ARFGAP3: variants seen among roughly 807,000 people sequenced by gnomAD.
ARFGAP3 encodes the protein ADP-ribosylation factor GTPase-activating protein 3.
ARFGAP3 carries 72 observed loss-of-function variants against 75.0 expected under a neutral mutation model. The observed-to-expected ratio is 0.96, with a 90% CI of 0.79 to 1.17. ARFGAP3 has a LOEUF of 1.17. ARFGAP3 is among the 50% of genes most tolerant of loss of function. The probability of loss-of-function intolerance (pLI) is 0.00; values close to 1 mark genes in which losing one functional copy is unlikely to be tolerated. For missense variants in ARFGAP3, 620 were observed against 626.6 expected (o/e 0.99, Z 0.11); for synonymous variants, 221 against 217.9 (o/e 1.01, Z -0.13).
rs377002923 is a variant in ARFGAP3 at position 42,835,261 on chromosome 22, G to C, written c.393+101C>G. 1,595 of 1,381,180 alleles carry C rather than the reference G, an allele frequency of 1.2e-3. 25 individuals are homozygous for C. The South Asian group carries it at 0.021, about 18-fold the overall frequency. The allele number at this position is 1,381,180 out of a possible 1,614,324, so 85.6% of individuals were successfully genotyped here. A position where few individuals can be genotyped will look rare whatever the true frequency, so the allele number is the denominator to read the frequency against. On this transcript the variant is annotated intron_variant, in intron 4 of 15. Coordinates refer to ENST00000263245, the MANE Select transcript of ARFGAP3 (RefSeq NM_014570.5). ...TCTACTGTACACTAATTCCTTGTAAGACAACTCAGGTAGAAAAGTTTTACT... is the reference window on the plus strand; with the variant it reads ...TCTACTGTACACTAATTCCTTGTAACACAACTCAGGTAGAAAAGTTTTACT...
At chr22:42,838,556 C>T (rs941402496) in intron 3 of ARFGAP3, among the ~76,000 whole-genome samples, 6 of 151,770 alleles carry the variant, frequency 4.0e-5, no homozygotes, top group Non-Finnish European at 7.4e-5. Flanking sequence ...CTCAGCCTCC[C>T]GAAGTGTTGG....
intron 3 of ARFGAP3, among the ~76,000 whole-genome samples, chr22:42,836,641 T>C (rs1371542903): frequency 3.9e-5 from 6 of 152,222 alleles, no homozygotes; most frequent in African/African-American, 1.2e-4. Context: ...ACATGAATTA[T>C]AGAATTCATA....
At chr22:42,840,628 C>A (rs1311938965) in intron 3 of ARFGAP3, among the ~76,000 whole-genome samples, 1 of 151,666 alleles carries the variant, frequency 6.6e-6, no homozygotes, top group East Asian at 1.9e-4. Flanking sequence ...GGGGTTCCAC[C>A]ATGTTGGCCA....
chr22:42,831,600 G>A lies in ARFGAP3; in HGVS notation c.514C>T (p.Pro172Ser), dbSNP rs920474954. The change falls in exon 6 of 16, where the codon CCA becomes TCA. Residue 172 changes from proline to serine, a missense_variant. Coordinates refer to ENST00000263245, the MANE Select transcript of ARFGAP3 (RefSeq NM_014570.5). ...DTAWASAIAE[P>S]SSLTSRPVET... ...ACAGGCCTTGATGTTAAAGAAGATG[G>A]TTCTGCTATTGCTGATGCCCACGCT... 4 of 1,613,848 alleles carry A rather than the reference G, an allele frequency of 2.5e-6. No homozygotes were observed. Among genetic ancestry groups the A allele is most frequent in the Non-Finnish European group, 3.4e-6 (4 of 1,179,996 alleles).
At chr22:42,825,935 A>G (rs1189269825) in intron 7 of ARFGAP3, among the ~76,000 whole-genome samples, 1 of 152,222 alleles carries the variant, frequency 6.6e-6, no homozygotes, top group East Asian at 1.9e-4. Flanking sequence ...ACAGCAAAAG[A>G]TAACAATCTT....
intron 6 of ARFGAP3, among the ~76,000 whole-genome samples, chr22:42,829,463 A>C (rs1291052452): frequency 6.6e-6 from 1 of 152,212 alleles, no homozygotes; most frequent in Non-Finnish European, 1.5e-5. Flanking sequence ...TAAGGCTAAG[A>C]AATCAAAAAA....
Position 42,835,419 on chromosome 22 carries a change from G to A in ARFGAP3, c.336C>T (p.Leu112=). The change falls in exon 4 of 16, where the codon CTC becomes CTT. Residue 112 remains leucine, a synonymous_variant. Coordinates refer to ENST00000263245, the MANE Select transcript of ARFGAP3 (RefSeq NM_014570.5). ...CGAGCGATTTGATTTTCTCCCTATA[G>A]AGCTGAGCAGCACGACTGTTGTACT... The part of the protein sequence containing the change: ...NAKYNSRAAQ[L]YREKIKSLAS... The A allele has an allele frequency of 6.2e-7, 1 of 1,614,140 alleles. No individual in the cohort carries two copies. Among genetic ancestry groups the A allele is most frequent in the East Asian group, 2.2e-5 (1 of 44,882 alleles).
At chr22:42,823,015 GC>G (rs1925879690) in intron 8 of ARFGAP3, among the ~76,000 whole-genome samples, 1 of 151,966 alleles carries the variant, frequency 6.6e-6, no homozygotes, top group South Asian at 2.1e-4. Context: ...TCACCATTTT[GC>G]CCAGGCTGGT....
intron 1 of ARFGAP3, among the ~76,000 whole-genome samples, chr22:42,850,582 A>C (rs1230957634): frequency 6.6e-6 from 1 of 151,030 alleles, no homozygotes; most frequent in Non-Finnish European, 1.5e-5. Flanking sequence ...AAAAAAAAAA[A>C]AAAAAAAAAA....
intron 14 of ARFGAP3, 122 bp from the exon 15 acceptor site, chr22:42,799,282 G>C: frequency 6.6e-7 from 1 of 1,510,332 alleles, no homozygotes; most frequent in Non-Finnish European, 8.9e-7. Flanking sequence ...TGCCTCACAA[G>C]GGGCCCAACA....
At chr22:42,840,220 C>A (rs1382045909) in intron 3 of ARFGAP3, among the ~76,000 whole-genome samples, 1 of 152,104 alleles carries the variant, frequency 6.6e-6, no homozygotes. Context: ...GCATGAGCCA[C>A]CGTGCCCAGC....
chr22:42,814,272 C>T (rs941947703), intron 11 of ARFGAP3, among the ~76,000 whole-genome samples: 75 of 152,192 alleles, frequency 4.9e-4, no homozygotes, highest in African/African-American at 1.7e-3. Flanking sequence ...AGCTCTTCAT[C>T]GAACTAATAT....
chr22:42,837,525 TGAGA>T (rs1248441175), intron 3 of ARFGAP3, among the ~76,000 whole-genome samples: 1 of 147,392 alleles, frequency 6.8e-6, no homozygotes, highest in Non-Finnish European at 1.5e-5. Context: ...GGAGGCTGAG[TGAGA>T]GAATCACCTG....
chr22:42,831,429 C>G (rs893463120), intron 6 of ARFGAP3, 120 bp downstream of exon 6: 1 of 1,003,896 alleles, frequency 1.0e-6, no homozygotes, highest in Non-Finnish European at 1.5e-6. Context: ...GCCTCAGCCT[C>G]GCAAAGTGCT....
chr22:42,847,681 A>AT, intron 1 of ARFGAP3, 49 bp from the exon 2 acceptor site: 1 of 1,597,098 alleles, frequency 6.3e-7, no homozygotes, highest in Non-Finnish European at 8.6e-7. Flanking sequence ...AGCCAAATAA[A>AT]TTATCCTGTA....
At chr22:42,804,005 G>C (rs777440081) in intron 14 of ARFGAP3, among the ~76,000 whole-genome samples, 1 of 149,134 alleles carries the variant, frequency 6.7e-6, no homozygotes, top group Non-Finnish European at 1.5e-5. Context: ...CTGGGCTCAG[G>C]TCATCCTCCC....
At chr22:42,831,389 C>G (rs950217460) in intron 6 of ARFGAP3, among the ~76,000 whole-genome samples, 160 bp downstream of exon 6, 4 of 144,774 alleles carry the variant, frequency 2.8e-5, no homozygotes, top group African/African-American at 5.1e-5. Flanking sequence ...CCACGCTGGT[C>G]TCTGACTGCT....
chr22:42,806,234 T>C (rs563466465), intron 14 of ARFGAP3, among the ~76,000 whole-genome samples: 1 of 151,812 alleles, frequency 6.6e-6, no homozygotes, highest in East Asian at 1.9e-4. Flanking sequence ...CAGAGGACGC[T>C]GCCCCTTTCA....
chr22:42,819,840 T>C (rs1602104758), intron 9 of ARFGAP3, among the ~76,000 whole-genome samples: 1 of 152,250 alleles, frequency 6.6e-6, no homozygotes, highest in Admixed American at 6.5e-5. Context: ...CTGTACTTTC[T>C]ACGGGTTTGA....
Sources: allele counts gnomAD v4.1 joint callset (sites outside exome capture counted in the v4.1 genomes callset), GRCh38; gene constraint gnomAD v4.1.1; transcripts MANE v1.5; gene names NCBI Gene and HGNC (gene_info 2026-07-23, HGNC 2026-07-21).